The following DOCK3 variants were observed in gnomAD, a reference collection of about 807,000 sequenced individuals.
The protein encoded by DOCK3 is dedicator of cytokinesis protein 3.
DOCK3 carries 60 observed loss-of-function variants against 265.6 expected under a neutral mutation model. That is an observed-to-expected ratio of 0.23 (90% CI 0.18 to 0.28). The LOEUF is 0.28. Ranked by LOEUF, DOCK3 falls within the 10% of genes least tolerant of loss-of-function variation. The pLI, the probability that DOCK3 is intolerant of heterozygous loss-of-function variation, is 1.00. For missense variants in DOCK3, 1,981 were observed against 2,594.3 expected (o/e 0.76, Z 5.14); for synonymous variants, 881 against 938.0 (o/e 0.94, Z 1.11).
At chr3:50,819,060 A>G (rs560867980) in intron 2 of DOCK3, among the ~76,000 whole-genome samples, 8 of 152,302 alleles carry the variant, frequency 5.3e-5, no homozygotes, top group African/African-American at 1.9e-4. Flanking sequence ...GACTGGTGCC[A>G]GTGATCCAAA....
At chr3:50,929,529 C>A (rs1490652820) in intron 4 of DOCK3, among the ~76,000 whole-genome samples, 1 of 152,196 alleles carries the variant, frequency 6.6e-6, no homozygotes, top group Non-Finnish European at 1.5e-5. Flanking sequence ...TCATTTTGAG[C>A]ACTTTTTTGT....
chr3:50,946,251 GC>G (rs1338628266), intron 5 of DOCK3, among the ~76,000 whole-genome samples: 1 of 151,980 alleles, frequency 6.6e-6, no homozygotes, highest in African/African-American at 2.4e-5. Context: ...ACGTGCTTTA[GC>G]CCTACTATTT....
At chr3:50,898,369 TTTC>T (rs1310754528) in intron 4 of DOCK3, among the ~76,000 whole-genome samples, 3 of 152,188 alleles carry the variant, frequency 2.0e-5, no homozygotes, top group African/African-American at 7.2e-5. Flanking sequence ...TCTTCTCTCT[TTTC>T]TTCTTTATTG....
chr3:50,976,525 T>C (rs2077456584), intron 5 of DOCK3, among the ~76,000 whole-genome samples: 1 of 114,854 alleles, frequency 8.7e-6, no homozygotes, highest in Non-Finnish European at 1.7e-5. Context: ...TTATAATTTC[T>C]GTTCTTTTAC....
intron 5 of DOCK3, among the ~76,000 whole-genome samples, chr3:51,062,260 T>A (rs1429549289): frequency 1.3e-5 from 2 of 152,168 alleles, no homozygotes; most frequent in African/African-American, 2.4e-5. Flanking sequence ...AGCCTTAAGG[T>A]GGTTTACAAA....
In DOCK3 at chr3:51,283,128, A is replaced by G. The variant is rs977919970; in HGVS notation, c.2922+2924A>G. The stretch of plus-strand genomic sequence containing the variant: ...ACAGACACCAAATAAACATCTATTC[A>G]TGAATCACTTCCCTCTGAGAGAAGG... On this transcript the variant is annotated intron_variant, in intron 27 of 52. Coordinates refer to ENST00000266037, the MANE Select transcript of DOCK3 (RefSeq NM_004947.5). Among the ~76,000 whole-genome samples, 11 of 152,224 alleles carry G rather than the reference A, an allele frequency of 7.2e-5. No individual in the cohort carries two copies. The East Asian group carries it at 1.3e-3, about 19-fold the overall frequency.
At chr3:50,846,648 G>A (rs1575341485) in intron 3 of DOCK3, among the ~76,000 whole-genome samples, 1 of 152,270 alleles carries the variant, frequency 6.6e-6, no homozygotes, top group East Asian at 1.9e-4. Context: ...ACTTGCTTTG[G>A]TTGATAGGTT....
At chr3:51,249,112 G>GC (rs1161372881) in intron 22 of DOCK3, among the ~76,000 whole-genome samples, 3 of 149,398 alleles carry the variant, frequency 2.0e-5, no homozygotes, top group African/African-American at 4.9e-5. Flanking sequence ...GGGGGGGTCA[G>GC]CCCCCCGCCA....
At position 51,022,166 on chromosome 3, in the gene DOCK3, T is replaced by C. The variant is rs577010077; in HGVS notation, c.316-42282T>C. ...TTACTTTGTAGTTTTTTATTATAGGTAGATAGACTTGATTTGATTTTGTAC... is the reference window on the plus strand; with the variant it reads ...TTACTTTGTAGTTTTTTATTATAGGCAGATAGACTTGATTTGATTTTGTAC... On this transcript the variant is annotated intron_variant, in intron 5 of 52. Transcript: ENST00000266037. Among the ~76,000 whole-genome samples the C allele has an allele frequency of 3.2e-3, 491 of 152,326 alleles. 7 individuals carry two copies. Among genetic ancestry groups the C allele is most frequent in the African/African-American group, 0.011 (448 of 41,574 alleles).
chr3:51,296,013 T>G (rs1309119908), intron 27 of DOCK3, among the ~76,000 whole-genome samples: 1 of 152,192 alleles, frequency 6.6e-6, no homozygotes, highest in Non-Finnish European at 1.5e-5. Flanking sequence ...GCTAACTTTT[T>G]AAATTTTTTT....
At chr3:51,141,465 A>G (rs2107193923) in intron 9 of DOCK3, among the ~76,000 whole-genome samples, 1 of 152,290 alleles carries the variant, frequency 6.6e-6, no homozygotes, top group East Asian at 1.9e-4. Flanking sequence ...TCTTATATGT[A>G]GATCTATGAT....
Position 51,315,123 on chromosome 3 carries a change from A to G in DOCK3, c.3397A>G (p.Lys1133Glu), listed in dbSNP as rs2083294561. The change falls in exon 32 of 53, where the codon AAA becomes GAA. Residue 1133 changes from lysine (K) to glutamate (E), a missense_variant. This residue lies in a region of DOCK3 where 1,357 missense variants were observed against 1,866.8 expected (regional missense o/e 0.73). Coordinates refer to ENST00000266037, the MANE Select transcript of DOCK3 (RefSeq NM_004947.5). ...GGAGCAGAGAAAAAATGGCAACTTCAAACAGGTAAGACACCTGGCAGTGTT... is the reference window on the plus strand; with the variant it reads ...GGAGCAGAGAAAAAATGGCAACTTCGAACAGGTAAGACACCTGGCAGTGTT... ...DWEQRKNGNF[K>E]QVEAELIDKL... 6.2e-7 allele frequency: 1 copy of G among 1,608,652 alleles called. No individual in the cohort carries two copies. Among genetic ancestry groups the G allele is most frequent in the Non-Finnish European group, 8.5e-7 (1 of 1,176,604 alleles).
chr3:51,074,767 C>A (rs987557706), intron 6 of DOCK3, among the ~76,000 whole-genome samples: 2 of 152,022 alleles, frequency 1.3e-5, no homozygotes, highest in African/African-American at 2.4e-5. Context: ...GTGCAGCAAA[C>A]CACCATGGCA....
chr3:51,177,521 A>G (rs1210461580), intron 12 of DOCK3, among the ~76,000 whole-genome samples: 2 of 152,258 alleles, frequency 1.3e-5, no homozygotes, highest in Non-Finnish European at 2.9e-5. Flanking sequence ...CCTCATAGAA[A>G]TAAATGCAGG....
chr3:50,921,145 TG>T (rs1481491068), intron 4 of DOCK3, among the ~76,000 whole-genome samples: 2 of 152,228 alleles, frequency 1.3e-5, no homozygotes, highest in Admixed American at 6.5e-5. Flanking sequence ...CTTTTACGTT[TG>T]CCTGAGGAGT....
Position 51,381,547 on chromosome 3 carries a change from A to AGGGGAGCAGTGAGGGGCAAC in DOCK3, c.6083_*9dup, listed in dbSNP as rs755361444. ...CCCGCATGGCCTGGGAGCACGGCCG[A>AGGGGAGCAGTGAGGGGCAAC]GGGGAGCAGTGAGGGGCAACGAGGC... On this transcript the variant is annotated stop_gained and frameshift_variant, in exon 53 of 53. Coordinates refer to ENST00000266037, the MANE Select transcript of DOCK3 (RefSeq NM_004947.5). LOFTEE classifies it high-confidence loss of function. This position sits in a 1 kb window ranked among gnomAD's most constrained non-coding sequence, Gnocchi z 5.6. 1.0e-3 allele frequency: 1,579 copies of AGGGGAGCAGTGAGGGGCAAC among 1,536,902 alleles called. No homozygotes were observed. The highest frequency in any genetic ancestry group is 1.3e-3 in the Non-Finnish European group (1,486 of 1,145,066).
intron 4 of DOCK3, among the ~76,000 whole-genome samples, chr3:50,906,749 ATC>A (rs1559797051): frequency 6.6e-6 from 1 of 151,432 alleles, no homozygotes; most frequent in East Asian, 1.9e-4. Flanking sequence ...TTGTATCTCT[ATC>A]TCCTTCAGTT....
At chr3:51,349,002 T>G in intron 39 of DOCK3, 64 bp downstream of exon 39, 5 of 1,338,204 alleles carry the variant, frequency 3.7e-6, no homozygotes, top group Non-Finnish European at 4.1e-6. Flanking sequence ...GAGCGTTCTC[T>G]ATGGGCCCAG....
intron 5 of DOCK3, among the ~76,000 whole-genome samples, chr3:51,017,633 T>C (rs1258282494): frequency 2.0e-5 from 3 of 151,840 alleles, no homozygotes; most frequent in Non-Finnish European, 4.4e-5. Flanking sequence ...TTCAGGAGCA[T>C]ATTGTTTAAT....
Sources: gnomAD v4.1 joint callset for allele counts (sites outside exome capture counted in the v4.1 genomes callset) on GRCh38, gnomAD v4.1.1 for gene constraint, gnomAD v4.1.1 regional missense constraint, Gnocchi (gnomAD v3.1) non-coding constraint, MANE v1.5 for transcripts, NCBI Gene and HGNC (gene_info 2026-07-23, HGNC 2026-07-21) for gene names.